Variants in PAQR5 observed in about 807,000 individuals in gnomAD.
The protein encoded by PAQR5 is progestin and adipoQ receptor family member 5, also known as membrane progestin receptor gamma.
A neutral mutation model predicts 34.5 loss-of-function variants in PAQR5; 20 were observed. That is an observed-to-expected ratio of 0.58 (90% CI 0.41 to 0.84). The LOEUF (loss-of-function observed/expected upper bound fraction) is 0.84, where lower values mean the gene tolerates loss of function less well. Ranked by LOEUF, PAQR5 falls within the 40% of genes least tolerant of loss-of-function variation. The pLI is 0.00. For synonymous variants in PAQR5, 131 were observed against 155.6 expected (o/e 0.84, Z 1.18); for missense variants, 378 against 412.7 (o/e 0.92, Z 0.73).
In PAQR5 at chr15:69,348,859, G is replaced by A. The variant is rs180704503; in HGVS notation, c.-115-11107G>A. On this transcript the variant is annotated intron_variant, in intron 2 of 8. Coordinates refer to ENST00000395407, the MANE Select transcript of PAQR5 (RefSeq NM_017705.4). ...TCACAGGGATTCACTGCCCAGGCCC[G>A]ATGGAGTGGGATGGTGTGAGATTTC... Among the ~76,000 whole-genome samples, 23 of 152,294 alleles carry A rather than the reference G, an allele frequency of 1.5e-4. No homozygotes were observed. The South Asian group carries it at 4.1e-3, about 27-fold the overall frequency.
At chr15:69,337,108 T>C (rs1051250581) in intron 1 of PAQR5, among the ~76,000 whole-genome samples, 2 of 152,264 alleles carry the variant, frequency 1.3e-5, no homozygotes, top group East Asian at 3.8e-4. Flanking sequence ...AGAGCTGGTA[T>C]GTTAAACATT....
intron 7 of PAQR5, 60 bp downstream of exon 7, chr15:69,397,624 C>T (rs912018363): frequency 8.7e-7 from 1 of 1,147,944 alleles, no homozygotes; most frequent in Non-Finnish European, 1.3e-6. Flanking sequence ...CAGTTGTTTT[C>T]CTGAGCTTCT....
rs1297952069 is a variant in PAQR5 at position 69,322,832 on chromosome 15, A to AGAAGAAGAAGAAGAAGAAGAG, written c.-276-14504_-276-14503insAGAAGAAGAAGAAGAGGAAGA. Among the ~76,000 whole-genome samples, 414 of 78,528 alleles carry AGAAGAAGAAGAAGAAGAAGAG rather than the reference A, an allele frequency of 5.3e-3. 120 individuals are homozygous for AGAAGAAGAAGAAGAAGAAGAG. Among genetic ancestry groups the AGAAGAAGAAGAAGAAGAAGAG allele is most frequent in the Non-Finnish European group, 0.012 (342 of 29,364 alleles). The allele number at this position is 78,528 out of a possible 152,430, so 51.5% of individuals were successfully genotyped here. A position where few individuals can be genotyped will look rare whatever the true frequency, so the allele number is the denominator to read the frequency against. On this transcript the variant is annotated intron_variant, in intron 1 of 8. Coordinates refer to ENST00000395407, the MANE Select transcript of PAQR5 (RefSeq NM_017705.4). ...AAGAGGAAGAAGAAGAAGAAGAAGA[A>AGAAGAAGAAGAAGAAGAAGAG]GAAGAGGAAGAAGAAGAGGAATTAT...
chr15:69,389,339 A>G (rs1295419610), intron 5 of PAQR5, among the ~76,000 whole-genome samples: 1 of 152,172 alleles, frequency 6.6e-6, no homozygotes, highest in African/African-American at 2.4e-5. Context: ...AAACCTCTCT[A>G]TCCCTCTGCT....
Position 69,300,633 on chromosome 15 carries a change from C to CTTTCT in PAQR5, c.-277+1580_-277+1584dup, listed in dbSNP as rs1484102735. On this transcript the variant is annotated intron_variant, in intron 1 of 8. Coordinates refer to ENST00000395407, the MANE Select transcript of PAQR5 (RefSeq NM_017705.4). ...TCTTTCTTTCTTTCTTTCTTTCTTT[C>CTTTCT]TTTCTTTCTTTCTTTCTTTTCTTTC... Among the ~76,000 whole-genome samples the CTTTCT allele has an allele frequency of 4.3e-5, 2 of 46,000 alleles. 1 individual carries two copies. Among genetic ancestry groups the CTTTCT allele is most frequent in the Non-Finnish European group, 1.1e-4 (2 of 18,724 alleles). The allele number at this position is 46,000 out of a possible 152,430, so 30.2% of individuals were successfully genotyped here.
intron 1 of PAQR5, among the ~76,000 whole-genome samples, chr15:69,328,122 A>T (rs11639227): frequency 0.94 from 142,700 of 152,208 alleles, 67,603 homozygotes; most frequent in East Asian, 1. Flanking sequence ...AGGTCCTGTC[A>T]TTCAGGAATC....
At chr15:69,382,255 C>T (rs755906073) in intron 4 of PAQR5, among the ~76,000 whole-genome samples, 3 of 152,010 alleles carry the variant, frequency 2.0e-5, no homozygotes, top group Non-Finnish European at 2.9e-5. Flanking sequence ...ATGGTGGTAA[C>T]GCCACATTTA....
intron 7 of PAQR5, among the ~76,000 whole-genome samples, chr15:69,399,560 A>G (rs1242764746): frequency 2.0e-5 from 3 of 152,216 alleles, no homozygotes; most frequent in Non-Finnish European, 4.4e-5. Flanking sequence ...CCTAGCCTGC[A>G]TGTTAAGAGT....
intron 2 of PAQR5, among the ~76,000 whole-genome samples, chr15:69,351,213 C>A (rs2054909505): frequency 6.6e-6 from 1 of 152,252 alleles, no homozygotes; most frequent in South Asian, 2.1e-4. Flanking sequence ...AATATCCCAT[C>A]CCTGAAGGGA....
intron 1 of PAQR5, among the ~76,000 whole-genome samples, chr15:69,326,828 C>G (rs375304870): frequency 0.049 from 843 of 17,212 alleles, 17 homozygotes; most frequent in African/African-American, 0.051. Flanking sequence ...TCCCTCCCCA[C>G]CCCCGTTATT....
intron 2 of PAQR5, among the ~76,000 whole-genome samples, chr15:69,341,463 C>A (rs1471749886): frequency 2.7e-5 from 4 of 148,924 alleles, no homozygotes; most frequent in Non-Finnish European, 4.4e-5. Context: ...CTCAAGTAGT[C>A]CCCCCACCTC....
chr15:69,329,135 C>T (rs1057405118), intron 1 of PAQR5, among the ~76,000 whole-genome samples: 2 of 152,226 alleles, frequency 1.3e-5, no homozygotes, highest in Non-Finnish European at 2.9e-5. Context: ...GGTTCTGAAC[C>T]TTTCCTGGCT....
chr15:69,340,941 A>G (rs1343834323), intron 2 of PAQR5, among the ~76,000 whole-genome samples: 1 of 152,184 alleles, frequency 6.6e-6, no homozygotes, highest in African/African-American at 2.4e-5. Flanking sequence ...GTATTAAAAC[A>G]ACTATAAATT....
Position 69,340,624 on chromosome 15 carries a change from C to T in PAQR5, c.-116+3123C>T, listed in dbSNP as rs147722558. Among the ~76,000 whole-genome samples the T allele has an allele frequency of 2.8e-4, 43 of 152,246 alleles. No homozygotes were observed. In the East Asian group the frequency reaches 5.2e-3, roughly 18 times the overall value. On this transcript the variant is annotated intron_variant, in intron 2 of 8. Coordinates refer to ENST00000395407, the MANE Select transcript of PAQR5 (RefSeq NM_017705.4). ...CCAGCTCCCTGCCCTGTGAGTTGGC[C>T]GTTTTCTTCCCATGGTGGATTCAGG...
chr15:69,303,208 G>C (rs1238877246), intron 1 of PAQR5, among the ~76,000 whole-genome samples: 1 of 152,182 alleles, frequency 6.6e-6, no homozygotes, highest in Non-Finnish European at 1.5e-5. Flanking sequence ...GTGACTCTTG[G>C]AGGCAGAGCT....
intron 6 of PAQR5, 124 bp from the exon 7 acceptor site, chr15:69,397,344 G>A (rs1285124451): frequency 1.3e-6 from 1 of 753,610 alleles, no homozygotes; most frequent in Non-Finnish European, 2.4e-6. Context: ...CTGGCCACAG[G>A]AGCTTGTAGA....
intron 3 of PAQR5, among the ~76,000 whole-genome samples, chr15:69,378,465 A>C (rs1436345463): frequency 1.4e-5 from 2 of 141,322 alleles, no homozygotes; most frequent in Non-Finnish European, 3.1e-5. Context: ...AAAAAGAGAG[A>C]GAGAGATAGC....
intron 1 of PAQR5, among the ~76,000 whole-genome samples, chr15:69,327,231 A>C (rs2054274040): frequency 6.6e-6 from 1 of 152,068 alleles, no homozygotes; most frequent in Admixed American, 6.6e-5. Context: ...TCCTGGACTC[A>C]AGTGATCTTC....
intron 3 of PAQR5, among the ~76,000 whole-genome samples, chr15:69,378,236 G>C (rs2055764879): frequency 8.0e-6 from 1 of 125,238 alleles, no homozygotes; most frequent in African/African-American, 3.1e-5. Flanking sequence ...CTGCACTCCA[G>C]CCTGGGCAAC....
Sources: gnomAD v4.1 joint callset for allele counts (sites outside exome capture counted in the v4.1 genomes callset) on GRCh38, gnomAD v4.1.1 for gene constraint, MANE v1.5 for transcripts, NCBI Gene and HGNC (gene_info 2026-07-23, HGNC 2026-07-21) for gene names.